Variants in NSMF observed in about 807,000 individuals in gnomAD.
NSMF encodes the protein nasal embryonic LHRH factor.
A neutral mutation model predicts 71.0 loss-of-function variants in NSMF; 31 were observed. The observed-to-expected ratio is 0.44, with a 90% CI of 0.33 to 0.59. The LOEUF (loss-of-function observed/expected upper bound fraction) is 0.59. Ranked by LOEUF, NSMF falls within the 20% of genes least tolerant of loss-of-function variation. The pLI is 0.04. For synonymous variants in NSMF, 345 were observed against 287.1 expected (o/e 1.20, Z -2.04); for missense variants, 673 against 740.5 (o/e 0.91, Z 1.06).
intron 5 of NSMF, 125 bp downstream of exon 5, chr9:137,455,504 G>T: frequency 7.9e-7 from 1 of 1,261,074 alleles, no homozygotes; most frequent in Non-Finnish European, 1.1e-6. Flanking sequence ...CTGGGAGCCA[G>T]GCCCGCAGAG....
rs1473759176 is a variant in NSMF at position 137,457,401 on chromosome 9, C to A, written c.628+6G>T. 7 of 1,612,938 alleles carry A rather than the reference C, an allele frequency of 4.3e-6. No individual in the cohort carries two copies. The highest frequency in any genetic ancestry group is 5.9e-6 in the Non-Finnish European group (7 of 1,180,006). ...ACCTGTCTATGCCCTGACACAAACC[C>A]CTCACCAGACACACGGTCAACGCTG... On this transcript the variant is annotated splice_donor_region_variant and intron_variant, in intron 3 of 15. Coordinates refer to ENST00000371475, the MANE Select transcript of NSMF (RefSeq NM_001130969.3).
At position 137,452,760 on chromosome 9, in the gene NSMF, G is replaced by A. The variant is rs778978856; in HGVS notation, c.1107C>T (p.Asp369=). The change falls in exon 10 of 16, where the codon GAC becomes GAT. Residue 369 remains aspartate, a synonymous_variant. Coordinates refer to ENST00000371475, the MANE Select transcript of NSMF (RefSeq NM_001130969.3). ...EYIPTIIRRD[D]PSIIPILYDH... ...CGTAGAGGATGGGGATGATGGAGGG[G>A]TCATCCCGGCGGATGATAGTGGGGA... The A allele has an allele frequency of 1.1e-5, 17 of 1,606,984 alleles. No individual in the cohort carries two copies. In the East Asian group the frequency reaches 2.7e-4, roughly 25 times the overall value.
intron 5 of NSMF, 149 bp downstream of exon 5, chr9:137,455,480 G>C: frequency 8.6e-7 from 1 of 1,164,676 alleles, no homozygotes; most frequent in Non-Finnish European, 1.3e-6. Flanking sequence ...GCCCTGCTGC[G>C]ACCTCGGTGC....
In NSMF at chr9:137,457,858, G is replaced by A. The variant is rs1305786659; in HGVS notation, c.177C>T (p.Pro59=). Residue 59 remains proline (P), a synonymous_variant, in exon 3 of 16, where the codon CCC becomes CCT. Coordinates refer to ENST00000371475, the MANE Select transcript of NSMF (RefSeq NM_001130969.3). ...TGTTCTGGGGGGCCGGCTGCATCTC[G>A]GGGGACCCGTCGTGGCCAGAGTAGG... ...ADAYSGHDGS[P]EMQPAPQNKR... 13 of 1,551,470 alleles carry A rather than the reference G, an allele frequency of 8.4e-6. No homozygotes were observed. The highest frequency in any genetic ancestry group is 1.1e-5 in the Non-Finnish European group (13 of 1,149,340).
At chr9:137,458,689 C>T in intron 1 of NSMF, 140 bp from the exon 2 acceptor site, 1 of 849,904 alleles carries the variant, frequency 1.2e-6, no homozygotes, top group South Asian at 1.4e-5. Flanking sequence ...CTCCGGGAGC[C>T]CACACACCCT....
At chr9:137,458,674 T>A in intron 1 of NSMF, 125 bp from the exon 2 acceptor site, 2 of 960,262 alleles carry the variant, frequency 2.1e-6, no homozygotes, top group Non-Finnish European at 3.2e-6. Context: ...GTCGGGGTCG[T>A]CCCCCTCCGG....
Position 137,456,402 on chromosome 9 carries a change from A to C in NSMF, c.704+9T>G. On this transcript the variant is annotated intron_variant, in intron 4 of 15. Transcript: ENST00000371475. The stretch of plus-strand genomic sequence containing the variant: ...AACCCTGACCCCAAGTCGTGGGCAC[A>C]AGACTCACGCTTGCATAGTTGTGGT... 6.2e-7 allele frequency: 1 copy of C among 1,610,128 alleles called. No individual in the cohort carries two copies. Among genetic ancestry groups the C allele is most frequent in the Non-Finnish European group, 8.5e-7 (1 of 1,177,018 alleles).
At chr9:137,458,578 G>A (rs760298910) in intron 1 of NSMF, 29 bp from the exon 2 acceptor site, 9 of 1,571,816 alleles carry the variant, frequency 5.7e-6, no homozygotes, top group Non-Finnish European at 7.8e-6. Flanking sequence ...CACGGTCAGA[G>A]GCCACGGCAC....
At position 137,457,484 on chromosome 9, in the gene NSMF, A is replaced by G. The variant is rs1564268176; in HGVS notation, c.551T>C (p.Leu184Pro). Reference protein sequence around the residue: ...APGPTPRAFGLDQPPLPETSG... With the variant: ...APGPTPRAFGPDQPPLPETSG... The stretch of plus-strand genomic sequence containing the variant: ...GGTCTCAGGCAGAGGTGGCTGGTCC[A>G]GCCCAAAGGCCCGAGGGGTGGGGCC... The change falls in exon 3 of 16, where the codon CTG becomes CCG. Residue 184 changes from leucine (L) to proline (P), a missense_variant. By Grantham distance (98) the Leu-to-Pro change is moderately conservative. This residue lies in a region of NSMF where 471 missense variants were observed against 459.6 expected (regional missense o/e 1.02). Coordinates refer to ENST00000371475, the MANE Select transcript of NSMF (RefSeq NM_001130969.3). 6.2e-7 allele frequency: 1 copy of G among 1,612,680 alleles called. No individual in the cohort carries two copies. The highest frequency in any genetic ancestry group is 8.5e-7 in the Non-Finnish European group (1 of 1,179,916).
chr9:137,455,934 C>G (rs2132004166), intron 4 of NSMF, among the ~76,000 whole-genome samples: 1 of 152,302 alleles, frequency 6.6e-6, no homozygotes, highest in Non-Finnish European at 1.5e-5. Flanking sequence ...GGTGTGGGGA[C>G]CAATGCAGCA....
At chr9:137,457,311 G>A in intron 3 of NSMF, 96 bp downstream of exon 3, 1 of 1,551,722 alleles carries the variant, frequency 6.4e-7, no homozygotes, top group Non-Finnish European at 8.9e-7. Flanking sequence ...CTGAGCACCT[G>A]TTCTCTGTTC....
At chr9:137,456,352 C>T (rs1318509518) in intron 4 of NSMF, 59 bp downstream of exon 4, 1 of 1,358,412 alleles carries the variant, frequency 7.4e-7, no homozygotes, top group Non-Finnish European at 1.1e-6. Context: ...AGTGCTGTTT[C>T]CTGAGCAGCA....
rs564524381 is a variant in NSMF at position 137,459,237 on chromosome 9, T to TGGGCTCGGGGTC, written c.-147_-136dup. The TGGGCTCGGGGTC allele has an allele frequency of 1.7e-5, 10 of 581,698 alleles. No individual in the cohort carries two copies. The highest frequency in any genetic ancestry group is 2.0e-5 in the African/African-American group (1 of 49,280). 36.0% of individuals were successfully genotyped at this position (581,698 alleles called of 1,614,324 possible). On this transcript the variant is annotated 5_prime_UTR_variant, in exon 1 of 16. Coordinates refer to ENST00000371475, the MANE Select transcript of NSMF (RefSeq NM_001130969.3). ...TCTCGCTCGGGCTCCGGCTCGGGCT[T>TGGGCTCGGGGTC]GGGCTCGGGGTCGGGCTCGGGGTCG...
chr9:137,449,507 G>T lies in NSMF; in HGVS notation c.1496-16C>A, dbSNP rs374398666. ...ATCTGCTTCCCTGGGCGGAGCGGGG[G>T]CAGGAGGCTCAGGCCTGGCCGGCCC... On this transcript the variant is annotated splice_polypyrimidine_tract_variant and intron_variant, in intron 15 of 15. Coordinates refer to ENST00000371475, the MANE Select transcript of NSMF (RefSeq NM_001130969.3). 14 of 1,612,034 alleles carry T rather than the reference G, an allele frequency of 8.7e-6. No individual in the cohort carries two copies. In the Admixed American group the frequency reaches 1.0e-4, roughly 12 times the overall value.
At chr9:137,450,483 TC>T (rs1325747524) in intron 12 of NSMF, among the ~76,000 whole-genome samples, 2 of 48,594 alleles carry the variant, frequency 4.1e-5, no homozygotes, top group East Asian at 8.4e-4. Context: ...ACCACATGCC[TC>T]TTCCCTTTGA....
At chr9:137,458,399 C>T (rs1564269937) in intron 2 of NSMF, 89 bp downstream of exon 2, 1 of 1,180,212 alleles carries the variant, frequency 8.5e-7, no homozygotes. Context: ...GCAACCAATG[C>T]CCCTCACGCT....
chr9:137,457,285 G>T, intron 3 of NSMF, 122 bp downstream of exon 3: 1 of 1,386,652 alleles, frequency 7.2e-7, no homozygotes, highest in Non-Finnish European at 1.0e-6. Flanking sequence ...TCTTGAGTCC[G>T]CTGGCATGCT....
At chr9:137,452,898 C>T (rs1268271118) in intron 9 of NSMF, 79 bp from the exon 10 acceptor site, 3 of 1,553,044 alleles carry the variant, frequency 1.9e-6, no homozygotes, top group Admixed American at 3.7e-5. Flanking sequence ...ATGAGGCTAC[C>T]TTCTGGCTGC....
intron 6 of NSMF, chr9:137,454,881 C>G: frequency 2.1e-6 from 1 of 465,242 alleles, no homozygotes; most frequent in Admixed American, 6.4e-5. Flanking sequence ...GTCCTTGAGC[C>G]ACCTCAGGGG....
Sources: allele counts gnomAD v4.1 joint callset (sites outside exome capture counted in the v4.1 genomes callset), GRCh38; gene constraint gnomAD v4.1.1; regional missense constraint gnomAD v4.1.1; transcripts MANE v1.5; gene names NCBI Gene and HGNC (gene_info 2026-07-23, HGNC 2026-07-21).